The following ATP10B variants were observed in gnomAD, a reference collection of about 807,000 sequenced individuals.
ATP10B encodes phospholipid-transporting ATPase VB.
In ATP10B, 122 loss-of-function variants were observed where a neutral mutation model predicts 141.2. The observed-to-expected ratio is 0.86, with a 90% CI of 0.75 to 1.00. The LOEUF (loss-of-function observed/expected upper bound fraction) is 1.00. Ranked by LOEUF, ATP10B falls within the 50% of genes least tolerant of loss-of-function variation. The pLI, the probability that ATP10B is intolerant of heterozygous loss-of-function variation, is 0.00. For missense variants in ATP10B, 1,876 were observed against 1,825.3 expected (o/e 1.03, Z -0.51); for synonymous variants, 685 against 692.0 (o/e 0.99, Z 0.16).
chr5:160,625,916 C>T (rs147488527), intron 13 of ATP10B, among the ~76,000 whole-genome samples: 72 of 152,344 alleles, frequency 4.7e-4, no homozygotes, highest in African/African-American at 1.7e-3. Flanking sequence ...AATCTTGTAG[C>T]AATGCATTAA....
intron 2 of ATP10B, among the ~76,000 whole-genome samples, chr5:160,754,006 G>A (rs1401581782): frequency 6.6e-6 from 1 of 152,164 alleles, no homozygotes; most frequent in Non-Finnish European, 1.5e-5. Flanking sequence ...TTACAAAAGA[G>A]AAAACTGAGT....
chr5:160,644,830 C>A (rs913941527), intron 8 of ATP10B, among the ~76,000 whole-genome samples: 3 of 152,114 alleles, frequency 2.0e-5, no homozygotes, highest in Admixed American at 6.6e-5. Context: ...AATGGGCAAC[C>A]AGTAGGGCCG....
chr5:160,632,289 G>T lies in ATP10B; in HGVS notation c.1460C>A (p.Ala487Asp), dbSNP rs1382319818. 6 of 1,614,174 alleles carry T rather than the reference G, an allele frequency of 3.7e-6. No homozygotes were observed. In the South Asian group the frequency reaches 4.4e-5, roughly 12 times the overall value. ...AGTTGCTGGATCCTGGGCCCATCTA[G>T]CCGAGAAGGACAGGCATTGGTATTG... ...WTQYQCLSFS[A>D]RWAQDPATMR... is the part of the protein sequence containing the mutation. Residue 487 changes from alanine (A) to aspartate (D), a missense_variant, in exon 13 of 26, where the codon GCT becomes GAT. Ala to Asp is a moderately radical substitution (Grantham distance 126). Transcript: ENST00000327245.
chr5:160,772,002 G>T (rs1367441299), intron 2 of ATP10B, among the ~76,000 whole-genome samples: 1 of 152,260 alleles, frequency 6.6e-6, no homozygotes, highest in Non-Finnish European at 1.5e-5. Context: ...GGCTTTTCCT[G>T]CAAGAGAGAT....
chr5:160,874,072 A>T, the ATP10B span, among the ~76,000 whole-genome samples: 114,491 of 151,748 alleles, frequency 0.75, 44,206 homozygotes, highest in East Asian at 0.98. Flanking sequence ...AGGCTCCACC[A>T]CTGGGGGCAG....
chr5:160,715,194 G>T (rs952082829), intron 3 of ATP10B, among the ~76,000 whole-genome samples: 1 of 144,632 alleles, frequency 6.9e-6, no homozygotes, highest in Admixed American at 6.9e-5. Context: ...CTGGGCAATG[G>T]CGGGCGCCCC....
At chr5:160,689,845 T>G (rs538752747) in intron 3 of ATP10B, among the ~76,000 whole-genome samples, 5 of 152,140 alleles carry the variant, frequency 3.3e-5, no homozygotes, top group Admixed American at 2.0e-4. Context: ...TCACAGAATT[T>G]GAAAAAACTA....
intron 1 of ATP10B, among the ~76,000 whole-genome samples, chr5:160,820,555 C>T (rs1043421022): frequency 2.0e-5 from 3 of 152,064 alleles, no homozygotes; most frequent in Non-Finnish European, 4.4e-5. Context: ...GCCAGTATTA[C>T]TCTGATACCA....
chr5:160,597,734 AG>A (rs1756809940), intron 22 of ATP10B, among the ~76,000 whole-genome samples: 1 of 152,214 alleles, frequency 6.6e-6, no homozygotes, highest in Non-Finnish European at 1.5e-5. Context: ...AAGTGGGCAA[AG>A]GACATGAACA....
At chr5:160,832,811 CAAG>C (rs993328632) in intron 1 of ATP10B, among the ~76,000 whole-genome samples, 2 of 152,090 alleles carry the variant, frequency 1.3e-5, no homozygotes, top group African/African-American at 2.4e-5. Context: ...GGGCACGGCA[CAAG>C]AAGAACAAAA....
chr5:160,640,798 T>C (rs981815121), intron 9 of ATP10B, among the ~76,000 whole-genome samples: 8 of 152,196 alleles, frequency 5.3e-5, no homozygotes, highest in Non-Finnish European at 1.2e-4. Context: ...ATCCCCTTCA[T>C]GCATGCCAGA....
rs75490871 is a variant in ATP10B at position 160,772,598 on chromosome 5, G to A, written c.-331+12961C>T. On this transcript the variant is annotated intron_variant, in intron 2 of 25. Transcript: ENST00000327245. ...CAGGCATTAGATTCTTGTAAGGAGC[G>A]AGCAACCTAGATCCCTGGCATGCAC... Among the ~76,000 whole-genome samples the A allele has an allele frequency of 6.1e-3, 936 of 152,246 alleles. 6 individuals are homozygous for A. The highest frequency in any genetic ancestry group is 9.4e-3 in the Non-Finnish European group (640 of 68,018).
intron 4 of ATP10B, 129 bp from the exon 5 acceptor site, chr5:160,688,223 G>C: frequency 1.1e-6 from 1 of 917,458 alleles, no homozygotes; most frequent in Non-Finnish European, 1.6e-6. Context: ...CTACTTCCTT[G>C]TAACTAAAGG....
Position 160,622,570 on chromosome 5 carries a change from G to C in ATP10B, c.1636C>G (p.Pro546Ala). ...ACCTTGGTCAGTAGGTTTTTATCTG[G>C]AGTTACATCTTTTTCCTGGAAGAGA... ...FSSSIEKDVT[P>A]DKNLLTKVRD... The change falls in exon 14 of 26, where the codon CCA (proline) becomes GCA (alanine). Residue 546 changes from proline (P) to alanine (A), a missense_variant. Pro to Ala is a conservative substitution (Grantham distance 27). Coordinates refer to ENST00000327245, the MANE Select transcript of ATP10B (RefSeq NM_025153.3). 6.2e-7 allele frequency: 1 copy of C among 1,610,580 alleles called. No homozygotes were observed. Among genetic ancestry groups the C allele is most frequent in the East Asian group, 2.2e-5 (1 of 44,800 alleles).
the ATP10B span, among the ~76,000 whole-genome samples, chr5:160,884,078 T>C: frequency 1.3e-5 from 2 of 152,208 alleles, no homozygotes; most frequent in Non-Finnish European, 2.9e-5. Flanking sequence ...CAACATAATA[T>C]TGTTAAATAA....
chr5:160,730,564 T>C (rs999080982), intron 2 of ATP10B, among the ~76,000 whole-genome samples: 2 of 152,042 alleles, frequency 1.3e-5, no homozygotes, highest in Admixed American at 1.3e-4. Context: ...AATCAATATT[T>C]CTCTGTTGTT....
At chr5:160,738,084 A>C (rs1162873128) in intron 2 of ATP10B, among the ~76,000 whole-genome samples, 1 of 152,152 alleles carries the variant, frequency 6.6e-6, no homozygotes, top group African/African-American at 2.4e-5. Flanking sequence ...AATCATGCAG[A>C]GTATGCTTTC....
intron 2 of ATP10B, among the ~76,000 whole-genome samples, chr5:160,731,747 T>C (rs1374348122): frequency 1.3e-5 from 2 of 152,158 alleles, no homozygotes; most frequent in Non-Finnish European, 1.5e-5. Flanking sequence ...TTACTCCAAG[T>C]TCTGTCGGCC....
the ATP10B span, among the ~76,000 whole-genome samples, chr5:160,897,333 C>T: frequency 6.6e-6 from 1 of 152,220 alleles, no homozygotes; most frequent in African/African-American, 2.4e-5. Flanking sequence ...TGATAAGCAA[C>T]TTCAGCTAAG....
Sources: allele counts gnomAD v4.1 joint callset (sites outside exome capture counted in the v4.1 genomes callset), GRCh38; gene constraint gnomAD v4.1.1; transcripts MANE v1.5; gene names NCBI Gene and HGNC (gene_info 2026-07-23, HGNC 2026-07-21).